Variants in SNORC observed in about 807,000 individuals in gnomAD.
SNORC encodes protein SNORC.
Under a neutral mutation model 9.7 loss-of-function variants are expected in SNORC, and 11 were observed. The ratio of observed to expected loss-of-function variants is 1.14; its 90% CI spans 0.72 to 1.88. SNORC has a LOEUF of 1.88. Among genes scored for constraint, SNORC ranks in the 40% most tolerant of loss-of-function variants. The pLI, the probability that SNORC is intolerant of heterozygous loss-of-function variation, is 0.00. For missense variants in SNORC, 197 were observed against 173.1 expected (o/e 1.14, Z -0.77); for synonymous variants, 108 against 88.7 (o/e 1.22, Z -1.22).
chr2:232,869,693 C>T (rs1690951447), upstream of SNORC: 1 of 154,974 alleles, frequency 6.5e-6, no homozygotes, highest in Admixed American at 6.4e-5. Flanking sequence ...AGGCAGAGAG[C>T]GAAAGAGGAA....
rs1286388860 is a variant in SNORC at position 232,872,094 on chromosome 2, T to TG, written c.73+1684dup. Among the ~76,000 whole-genome samples the TG allele has an allele frequency of 9.2e-5, 14 of 152,164 alleles. No individual in the cohort carries two copies. The East Asian group carries it at 1.9e-3, about 21-fold the overall frequency. On this transcript the variant is annotated intron_variant, in intron 1 of 2. Transcript: ENST00000331342. Reference sequence around the variant, plus strand: ...CAGGCCTTCCCAACCCCGGAGTCTCTGGGGTTCTGGCTGTTGTTCTTGCGA... The same window carrying TG: ...CAGGCCTTCCCAACCCCGGAGTCTCTGGGGGTTCTGGCTGTTGTTCTTGCGA...
At chr2:232,871,014 GC>G (rs546980910) in intron 1 of SNORC, among the ~76,000 whole-genome samples, 154 of 152,340 alleles carry the variant, frequency 1.0e-3, no homozygotes, top group African/African-American at 3.6e-3. Context: ...GCTCCCAAGG[GC>G]CCTGTGGAGA....
downstream of SNORC, chr2:232,878,580 A>ACTC (rs1282121914): frequency 6.6e-6 from 1 of 151,248 alleles, no homozygotes; most frequent in Admixed American, 6.6e-5. Context: ...ACCGCCTTGA[A>ACTC]CTCTTCCTTT....
upstream of SNORC, among the ~76,000 whole-genome samples, chr2:232,867,872 A>G (rs1690907482): frequency 6.6e-6 from 1 of 152,248 alleles, no homozygotes; most frequent in Non-Finnish European, 1.5e-5. Context: ...GTGCCCAGCT[A>G]TTCTGGTCCA....
upstream of SNORC, chr2:232,869,101 G>A (rs1690932766): frequency 6.6e-6 from 1 of 152,150 alleles, no homozygotes; most frequent in African/African-American, 2.4e-5. Context: ...AAGTTGTTAG[G>A]GTAGGTACAA....
At chr2:232,869,461 A>G (rs1450782746), upstream of SNORC, among the ~76,000 whole-genome samples, 1 of 152,126 alleles carries the variant, frequency 6.6e-6, no homozygotes, top group African/African-American at 2.4e-5. Flanking sequence ...GACACCTTTG[A>G]TGACTTCATT....
intron 1 of SNORC, among the ~76,000 whole-genome samples, chr2:232,871,294 T>C (rs1490312573): frequency 6.6e-6 from 1 of 152,114 alleles, no homozygotes; most frequent in Non-Finnish European, 1.5e-5. Flanking sequence ...GGCCACACCC[T>C]GGGAGGTCTG....
At chr2:232,877,413 T>G, downstream of SNORC, 1 of 969,164 alleles carries the variant, frequency 1.0e-6, no homozygotes, top group Non-Finnish European at 1.2e-6. Context: ...AAGTGGGAAC[T>G]TGGTCCCTAC....
At chr2:232,875,106 G>A (rs1019744404) in intron 1 of SNORC, among the ~76,000 whole-genome samples, 2 of 152,174 alleles carry the variant, frequency 1.3e-5, no homozygotes, top group South Asian at 2.1e-4. Context: ...TTGGGAGGCC[G>A]ACACGGGTGT....
Position 232,876,358 on chromosome 2 carries a change from G to A in SNORC, c.*2G>A, listed in dbSNP as rs765964704. ...CTGAGAAAGTTTTCTGCCTCCTGAAGCGAATAAAGGGGCCGCGCCCGGCCG... is the reference window on the plus strand; with the variant it reads ...CTGAGAAAGTTTTCTGCCTCCTGAAACGAATAAAGGGGCCGCGCCCGGCCG... On this transcript the variant is annotated 3_prime_UTR_variant, in exon 3 of 3. Transcript: ENST00000331342. This position sits in a 1 kb window ranked among gnomAD's most constrained non-coding sequence, Gnocchi z 6.8. 34 of 1,530,772 alleles carry A rather than the reference G, an allele frequency of 2.2e-5. No homozygotes were observed. Among genetic ancestry groups the A allele is most frequent in the Middle Eastern group, 2.2e-4 (1 of 4,538 alleles). 94.8% of individuals were successfully genotyped at this position (1,530,772 alleles called of 1,614,324 possible).
chr2:232,878,385 C>G (rs545692669), downstream of SNORC: 3 of 159,262 alleles, frequency 1.9e-5, no homozygotes, highest in South Asian at 2.0e-4. Flanking sequence ...CCTGTAGGGC[C>G]CCCCCCACCA....
downstream of SNORC, chr2:232,876,844 G>A: frequency 2.0e-6 from 2 of 985,640 alleles, no homozygotes; most frequent in Non-Finnish European, 2.4e-6. The surrounding 1 kb of genome is among the most constrained non-coding windows in gnomAD (Gnocchi z 6.8). Context: ...CTGCCTGGGC[G>A]CGGGCCGAGG....
At chr2:232,871,035 T>C (rs987801990) in intron 1 of SNORC, among the ~76,000 whole-genome samples, 1 of 152,294 alleles carries the variant, frequency 6.6e-6, no homozygotes, top group African/African-American at 2.4e-5. Flanking sequence ...AGGGGAAGAC[T>C]GGCCCAGGCT....
downstream of SNORC, chr2:232,877,967 G>C (rs937168769): frequency 6.6e-6 from 1 of 152,260 alleles, no homozygotes; most frequent in East Asian, 1.9e-4. Context: ...CCAGGGACGA[G>C]AGATGGCCCC....
At chr2:232,868,445 C>T (rs1690918130), upstream of SNORC, among the ~76,000 whole-genome samples, 1 of 152,012 alleles carries the variant, frequency 6.6e-6, no homozygotes, top group African/African-American at 2.4e-5. Flanking sequence ...TCCACCCGGC[C>T]TCTGCTGCCG....
At chr2:232,873,234 A>G (rs976255552) in intron 1 of SNORC, among the ~76,000 whole-genome samples, 5 of 152,208 alleles carry the variant, frequency 3.3e-5, no homozygotes, top group Non-Finnish European at 7.4e-5. Context: ...GGCATGGAGC[A>G]AGGATAGGCC....
At chr2:232,870,174 G>C (rs561026453), upstream of SNORC, 399 of 653,220 alleles carry the variant, frequency 6.1e-4, no homozygotes, top group Non-Finnish European at 9.0e-4. Flanking sequence ...GTGTGTTGGT[G>C]GGGGGAGCGG....
upstream of SNORC, chr2:232,869,153 G>GTGAT (rs1388125639): frequency 6.6e-6 from 1 of 152,134 alleles, no homozygotes; most frequent in Non-Finnish European, 1.5e-5. Flanking sequence ...GAAATTTGAA[G>GTGAT]TGATGGGGGG....
chr2:232,876,641 G>T (rs1378595134), downstream of SNORC: 3 of 1,027,440 alleles, frequency 2.9e-6, no homozygotes, highest in Admixed American at 1.2e-4. The surrounding 1 kb of genome is among the most constrained non-coding windows in gnomAD (Gnocchi z 6.8). Context: ...GCGCAGGGCC[G>T]CGCGGCTCGG....
Sources: gnomAD v4.1 joint callset for allele counts (sites outside exome capture counted in the v4.1 genomes callset) on GRCh38, gnomAD v4.1.1 for gene constraint, Gnocchi (gnomAD v3.1) non-coding constraint, MANE v1.5 for transcripts, NCBI Gene and HGNC (gene_info 2026-07-23, HGNC 2026-07-21) for gene names.